TRPM3: variants seen among roughly 807,000 people sequenced by gnomAD.
The protein encoded by TRPM3 is transient receptor potential cation channel subfamily M member 3, also known as long transient receptor potential channel 3.
A neutral mutation model predicts 181.2 loss-of-function variants in TRPM3; 77 were observed. The ratio of observed to expected loss-of-function variants is 0.42; its 90% CI spans 0.35 to 0.51. The LOEUF (loss-of-function observed/expected upper bound fraction) is 0.51, where lower values mean the gene tolerates loss of function less well. Among genes scored for constraint, TRPM3 ranks in the 20% least tolerant of loss-of-function variants. The probability of loss-of-function intolerance (pLI) is 0.01; values close to 1 mark genes in which losing one functional copy is unlikely to be tolerated. For missense variants in TRPM3, 1,759 were observed against 2,196.7 expected, an observed-to-expected ratio of 0.80 and a Z score of 3.98; for synonymous variants, 745 against 796.4, an observed-to-expected ratio of 0.94 and a Z score of 1.09.
At chr9:70,619,189 C>T in intron 16 of TRPM3, 94 bp from the exon 17 acceptor site, 3 of 1,008,372 alleles carry the variant, frequency 3.0e-6, no homozygotes, top group Non-Finnish European at 4.4e-6. Context: ...AATGGGGTCA[C>T]TGGATGATGT....
intron 1 of TRPM3, among the ~76,000 whole-genome samples, chr9:71,099,207 C>A (rs568345589): frequency 6.6e-6 from 1 of 152,148 alleles, no homozygotes; most frequent in Non-Finnish European, 1.5e-5. Context: ...ATAGATAGTG[C>A]CTTCTCACTC....
At chr9:71,289,092 C>G (rs1008544399) in intron 1 of TRPM3, among the ~76,000 whole-genome samples, 4 of 151,902 alleles carry the variant, frequency 2.6e-5, no homozygotes, top group Admixed American at 2.0e-4. Flanking sequence ...AAAGCAAATT[C>G]AAATCCTCTC....
intron 1 of TRPM3, among the ~76,000 whole-genome samples, chr9:70,976,026 G>C (rs567067571): frequency 1.3e-5 from 2 of 152,228 alleles, no homozygotes; most frequent in East Asian, 3.9e-4. Context: ...CCCAGCATGA[G>C]AGAATTCATG....
rs201305141 is a variant in TRPM3 at position 71,311,786 on chromosome 9, C to CA, written c.183+134866dup. On this transcript the variant is annotated intron_variant, in intron 1 of 24. Transcript: ENST00000357533. Reference sequence around the variant, plus strand: ...AAATATGCTAATGATAGCTGATGAGCAAAAAAAAATAATAAAATAAATATA... The same window carrying CA: ...AAATATGCTAATGATAGCTGATGAGCAAAAAAAAAATAATAAAATAAATATA... Among the ~76,000 whole-genome samples the CA allele has an allele frequency of 8.1e-4, 120 of 147,366 alleles. 2 individuals are homozygous for CA. In the East Asian group the frequency reaches 0.013, roughly 17 times the overall value.
In TRPM3 at chr9:71,299,550, G is replaced by A. The variant is rs28561598; in HGVS notation, c.183+147103C>T. 7.1e-3 allele frequency among the ~76,000 whole-genome samples: 1,080 copies of A among 151,892 alleles called. 13 individuals carry two copies. The highest frequency in any genetic ancestry group is 0.025 in the African/African-American group (1,032 of 41,468). On this transcript the variant is annotated intron_variant, in intron 1 of 24. Transcript: ENST00000357533. Reference sequence around the variant, plus strand: ...GAGAAAAAAGAAAAGGAAGGAAGGAGAGGGGAGGGAGGGAAGGAAGGAGGG... The same window carrying A: ...GAGAAAAAAGAAAAGGAAGGAAGGAAAGGGGAGGGAGGGAAGGAAGGAGGG...
chr9:71,204,516 C>G (rs560864642), intron 1 of TRPM3, among the ~76,000 whole-genome samples: 209 of 152,204 alleles, frequency 1.4e-3, no homozygotes, highest in African/African-American at 4.7e-3. Flanking sequence ...CAATGAGATA[C>G]CATCTCACAC....
At chr9:71,047,103 A>AGT (rs1056947993) in intron 1 of TRPM3, among the ~76,000 whole-genome samples, 17 of 152,230 alleles carry the variant, frequency 1.1e-4, no homozygotes, top group African/African-American at 4.1e-4. Context: ...GAAATAAAAG[A>AGT]GTGTGTGTGT....
At chr9:71,167,451 A>T (rs1015782406) in intron 1 of TRPM3, among the ~76,000 whole-genome samples, 5 of 152,114 alleles carry the variant, frequency 3.3e-5, no homozygotes, top group Non-Finnish European at 7.4e-5. Context: ...TCACACAACC[A>T]ATCAAACAAC....
intron 1 of TRPM3, among the ~76,000 whole-genome samples, chr9:71,181,228 T>C (rs1168574835): frequency 6.6e-6 from 1 of 152,136 alleles, no homozygotes; most frequent in Non-Finnish European, 1.5e-5. Context: ...TTAAATTGTA[T>C]GGAAACTGAT....
At chr9:70,621,813 A>C (rs1442233588) in intron 14 of TRPM3, among the ~76,000 whole-genome samples, 1 of 152,220 alleles carries the variant, frequency 6.6e-6, no homozygotes, top group Non-Finnish European at 1.5e-5. Context: ...ATTTTAATGA[A>C]TCTACAGAAA....
intron 1 of TRPM3, among the ~76,000 whole-genome samples, chr9:71,063,434 C>A (rs1241464263): frequency 6.6e-6 from 1 of 151,992 alleles, no homozygotes; most frequent in South Asian, 2.1e-4. Context: ...GATGTGTAAT[C>A]GCATGTTACA....
chr9:70,989,169 T>C (rs550236030), intron 1 of TRPM3, among the ~76,000 whole-genome samples: 9 of 152,344 alleles, frequency 5.9e-5, no homozygotes, highest in East Asian at 5.8e-4. Context: ...TGGAATCATA[T>C]GTTTATACTT....
chr9:70,544,696 A>C (rs2044394877), intron 25 of TRPM3, among the ~76,000 whole-genome samples: 2 of 152,026 alleles, frequency 1.3e-5, no homozygotes, highest in Non-Finnish European at 2.9e-5. Flanking sequence ...AATATACTAG[A>C]TGAAAAAATC....
At chr9:71,143,328 C>T (rs1336648782) in intron 1 of TRPM3, among the ~76,000 whole-genome samples, 1 of 152,054 alleles carries the variant, frequency 6.6e-6, no homozygotes, top group African/African-American at 2.4e-5. Flanking sequence ...TCCTGATCCT[C>T]TCCCTCCTCC....
intron 1 of TRPM3, among the ~76,000 whole-genome samples, chr9:70,999,298 G>A (rs1590446466): frequency 1.3e-5 from 2 of 152,150 alleles, no homozygotes; most frequent in Admixed American, 1.3e-4. Context: ...TGAATGGGGT[G>A]GTTTCTGGAC....
At chr9:71,142,416 G>A (rs1276581013) in intron 1 of TRPM3, among the ~76,000 whole-genome samples, 1 of 152,058 alleles carries the variant, frequency 6.6e-6, no homozygotes, top group Non-Finnish European at 1.5e-5. Context: ...ATTGAGACTG[G>A]AAAGGAGAAA....
chr9:70,587,504 T>C (rs1322392742), intron 22 of TRPM3, among the ~76,000 whole-genome samples: 3 of 152,216 alleles, frequency 2.0e-5, no homozygotes, highest in African/African-American at 7.2e-5. Flanking sequence ...CACACCAGAA[T>C]GCAGAACCAG....
At chr9:70,859,337 G>A (rs576874839) in intron 3 of TRPM3, among the ~76,000 whole-genome samples, 1 of 151,958 alleles carries the variant, frequency 6.6e-6, no homozygotes, top group East Asian at 1.9e-4. Context: ...CACAATGGAA[G>A]ATCTATCTGC....
intron 1 of TRPM3, among the ~76,000 whole-genome samples, chr9:71,418,875 T>G (rs1377538462): frequency 7.1e-6 from 1 of 141,426 alleles, no homozygotes; most frequent in Non-Finnish European, 1.5e-5. Flanking sequence ...TGTATATATG[T>G]GTATATATAT....
Sources: gnomAD v4.1 joint callset for allele counts (sites outside exome capture counted in the v4.1 genomes callset) on GRCh38, gnomAD v4.1.1 for gene constraint, MANE v1.5 for transcripts, NCBI Gene and HGNC (gene_info 2026-07-23, HGNC 2026-07-21) for gene names.